Variants in LRP1B observed in about 807,000 individuals in gnomAD.
LRP1B encodes LDL receptor related protein 1B.
Under a neutral mutation model 556.6 loss-of-function variants are expected in LRP1B, and 217 were observed. That is an observed-to-expected ratio of 0.39 (90% CI 0.35 to 0.44). The LOEUF is 0.44. Among genes scored for constraint, LRP1B ranks in the 20% least tolerant of loss-of-function variants. The pLI, the probability that LRP1B is intolerant of heterozygous loss-of-function variation, is 1.00. For synonymous variants in LRP1B, 2,047 were observed against 1,865.8 expected, an observed-to-expected ratio of 1.10 and a Z score of -2.50; for missense variants, 5,053 against 5,620.8, an observed-to-expected ratio of 0.90 and a Z score of 3.23.
At chr2:141,770,844 G>A (rs760789768) in intron 2 of LRP1B, among the ~76,000 whole-genome samples, 2 of 152,130 alleles carry the variant, frequency 1.3e-5, no homozygotes, top group African/African-American at 2.4e-5. Context: ...AGGTGGACAC[G>A]TTATTTATCT....
chr2:140,832,663 C>T (rs1266447739), intron 31 of LRP1B, among the ~76,000 whole-genome samples: 1 of 152,156 alleles, frequency 6.6e-6, no homozygotes, highest in Non-Finnish European at 1.5e-5. Context: ...ACCACATGTT[C>T]TCCCACATAT....
At chr2:141,443,645 A>T (rs756397490) in intron 3 of LRP1B, among the ~76,000 whole-genome samples, 1 of 152,156 alleles carries the variant, frequency 6.6e-6, no homozygotes, top group Non-Finnish European at 1.5e-5. Flanking sequence ...TTCTCTGCAT[A>T]TGTCTAGCCA....
chr2:142,123,620 C>T (rs894944850), intron 1 of LRP1B, among the ~76,000 whole-genome samples: 11 of 149,258 alleles, frequency 7.4e-5, no homozygotes, highest in East Asian at 2.0e-4. Flanking sequence ...ATGTCGGTAT[C>T]TTAGCAAGGC....
chr2:141,641,436 C>A (rs1689330370), intron 2 of LRP1B, among the ~76,000 whole-genome samples: 1 of 152,032 alleles, frequency 6.6e-6, no homozygotes, highest in African/African-American at 2.4e-5. Context: ...ACTGAATATT[C>A]ATTTTATTTT....
At chr2:140,556,152 T>C (rs1426058450) in intron 43 of LRP1B, among the ~76,000 whole-genome samples, 1 of 152,044 alleles carries the variant, frequency 6.6e-6, no homozygotes, top group African/African-American at 2.4e-5. Flanking sequence ...CCTTGGCATT[T>C]GAGAAAACAG....
chr2:141,628,877 T>G (rs1688799937), intron 2 of LRP1B, among the ~76,000 whole-genome samples: 2 of 152,078 alleles, frequency 1.3e-5, no homozygotes, highest in African/African-American at 2.4e-5. Context: ...CTTGAACCCC[T>G]GAGCTCAAGT....
In LRP1B at chr2:140,908,096, G is replaced by A. The variant is rs982951666; in HGVS notation, c.3320-19C>T. ...CATCTCCCTTAAGAAAACAGAAATA[G>A]TGTCAGTTTGATTTTTGTGATTAGG... On this transcript the variant is annotated intron_variant, in intron 21 of 90. Transcript: ENST00000389484. The A allele has an allele frequency of 6.9e-6, 11 of 1,597,482 alleles. No homozygotes were observed. The African/African-American group carries it at 1.5e-4, about 21-fold the overall frequency.
At chr2:141,804,557 A>T (rs1306945074) in intron 2 of LRP1B, among the ~76,000 whole-genome samples, 1 of 151,996 alleles carries the variant, frequency 6.6e-6, no homozygotes, top group Non-Finnish European at 1.5e-5. Context: ...TGTAGATTAA[A>T]CCTCTTCCCA....
chr2:141,341,228 A>G (rs2105516179), intron 3 of LRP1B, among the ~76,000 whole-genome samples: 1 of 152,326 alleles, frequency 6.6e-6, no homozygotes, highest in Middle Eastern at 3.4e-3. Context: ...AGCAGCTTTC[A>G]ACAGTGCCTA....
intron 1 of LRP1B, among the ~76,000 whole-genome samples, chr2:141,811,656 T>G (rs17815460): frequency 0.078 from 11,810 of 152,186 alleles, 666 homozygotes; most frequent in Non-Finnish European, 0.12. Flanking sequence ...TCGTGACAAC[T>G]CATTTTATTT....
chr2:141,403,583 T>C (rs988907181), intron 3 of LRP1B, among the ~76,000 whole-genome samples: 4 of 152,104 alleles, frequency 2.6e-5, no homozygotes, highest in African/African-American at 9.7e-5. Flanking sequence ...TAATGGTTCA[T>C]GAAACATGGG....
rs1379165775 is a variant in LRP1B, at chr2:140,350,784, G to C, written c.11892+13C>G. ...AGGTATGGACTTTCAAATATACAAT[G>C]GTATTTACTTACAATCAAGCCACTG... On this transcript the variant is annotated intron_variant, in intron 77 of 90. Coordinates refer to ENST00000389484, the MANE Select transcript of LRP1B (RefSeq NM_018557.3). 1 of 1,607,892 alleles carries C rather than the reference G, an allele frequency of 6.2e-7. No individual in the cohort carries two copies. Among genetic ancestry groups the C allele is most frequent in the Admixed American group, 1.7e-5 (1 of 59,220 alleles).
chr2:140,539,691 C>T (rs748760046), intron 45 of LRP1B, among the ~76,000 whole-genome samples: 8 of 152,014 alleles, frequency 5.3e-5, no homozygotes, highest in East Asian at 1.9e-4. Context: ...GCTAACACTC[C>T]GGGCTTACAG....
At chr2:141,154,015 T>C (rs1012095744) in intron 7 of LRP1B, among the ~76,000 whole-genome samples, 5 of 151,852 alleles carry the variant, frequency 3.3e-5, no homozygotes, top group Non-Finnish European at 7.4e-5. Context: ...ACAATTATGT[T>C]GCAGAGACAA....
Position 141,803,664 on chromosome 2 carries a change from C to T in LRP1B, c.205+6615G>A, listed in dbSNP as rs182823324. On this transcript the variant is annotated intron_variant, in intron 2 of 90. Coordinates refer to ENST00000389484, the MANE Select transcript of LRP1B (RefSeq NM_018557.3). The stretch of plus-strand genomic sequence containing the variant: ...TCTAAATCACCATTACTTAGAAACA[C>T]GGACCATACTTCTATCTGTTTTATA... 4.6e-3 allele frequency among the ~76,000 whole-genome samples: 696 copies of T among 152,150 alleles called. 4 individuals carry two copies. The highest frequency in any genetic ancestry group is 7.0e-3 in the Non-Finnish European group (474 of 68,014).
intron 2 of LRP1B, among the ~76,000 whole-genome samples, chr2:141,703,134 T>G (rs1438115269): frequency 6.6e-6 from 1 of 151,950 alleles, no homozygotes; most frequent in Non-Finnish European, 1.5e-5. Context: ...TATATGATTT[T>G]CAGTAAAAGT....
chr2:140,945,706 AAACTC>A (rs1435905421), intron 20 of LRP1B, among the ~76,000 whole-genome samples: 1 of 152,166 alleles, frequency 6.6e-6, no homozygotes, highest in African/African-American at 2.4e-5. Context: ...AAAAAAATAA[AAACTC>A]AAGACAGCTT....
At chr2:140,322,197 T>C (rs1680177358) in intron 81 of LRP1B, 109 bp from the exon 82 acceptor site, 1 of 1,080,250 alleles carries the variant, frequency 9.3e-7, no homozygotes, top group Non-Finnish European at 1.4e-6. Context: ...TGAAAAGTAA[T>C]CACATTAAAT....
chr2:142,058,612 C>A (rs371443584), intron 1 of LRP1B, among the ~76,000 whole-genome samples: 1 of 152,050 alleles, frequency 6.6e-6, no homozygotes. Flanking sequence ...TGGCCCAAGA[C>A]AATTTTTCTC....
Sources: gnomAD v4.1 joint callset for allele counts (sites outside exome capture counted in the v4.1 genomes callset) on GRCh38, gnomAD v4.1.1 for gene constraint, MANE v1.5 for transcripts, NCBI Gene and HGNC (gene_info 2026-07-23, HGNC 2026-07-21) for gene names.